The following SLC6A2 variants were observed in gnomAD, a reference collection of about 807,000 sequenced individuals.
SLC6A2 encodes the protein solute carrier family 6 member 2, also known as sodium-dependent noradrenaline transporter.
SLC6A2 carries 26 observed loss-of-function variants against 71.7 expected under a neutral mutation model. That is an observed-to-expected ratio of 0.36 (90% CI 0.27 to 0.50). The LOEUF (loss-of-function observed/expected upper bound fraction) is 0.50. Among genes scored for constraint, SLC6A2 ranks in the 20% least tolerant of loss-of-function variants. SLC6A2 has a pLI of 0.96. For missense variants in SLC6A2, 581 were observed against 803.9 expected (o/e 0.72, Z 3.35); for synonymous variants, 363 against 337.9 (o/e 1.07, Z -0.82).
chr16:55,656,582 T>C lies in SLC6A2; in HGVS notation c.-51-62T>C. The C allele has an allele frequency of 7.3e-7, 1 of 1,375,140 alleles. No homozygotes were observed. Among genetic ancestry groups the C allele is most frequent in the Non-Finnish European group, 1.0e-6 (1 of 974,018 alleles). 85.2% of individuals were successfully genotyped at this position (1,375,140 alleles called of 1,614,324 possible). A position where few individuals can be genotyped will look rare whatever the true frequency, so the allele number is the denominator to read the frequency against. On this transcript the variant is annotated intron_variant, in intron 1 of 14. Transcript: ENST00000568943. The surrounding 1 kb of genome is among the most constrained non-coding windows in gnomAD (Gnocchi z 4.5). ...GTGTCTAAGGCGCTCCCGGGTGGTCTTGGGAGTTGCAAGTAGGGAGGAACG... is the reference window on the plus strand; with the variant it reads ...GTGTCTAAGGCGCTCCCGGGTGGTCCTGGGAGTTGCAAGTAGGGAGGAACG...
chr16:55,661,143 G>A (rs1197620679), intron 2 of SLC6A2, among the ~76,000 whole-genome samples: 3 of 152,234 alleles, frequency 2.0e-5, no homozygotes, highest in Admixed American at 1.3e-4. Context: ...ATCCTGGTCT[G>A]TGCTGATCCC....
In SLC6A2 at chr16:55,697,920, C is replaced by G; in HGVS notation, c.1284C>G (p.Ile428Met). The G allele has an allele frequency of 6.2e-7, 1 of 1,614,106 alleles. No homozygotes were observed. Residue 428 changes from isoleucine (I) to methionine (M), a missense_variant, in exon 10 of 15, where the codon ATC (isoleucine) becomes ATG (methionine). By Grantham distance (10) the Ile-to-Met change is conservative. Coordinates refer to ENST00000568943, the MANE Select transcript of SLC6A2 (RefSeq NM_001172501.3). Reference protein sequence around the residue: ...DSSMGGMEAVITGLADDFQVL... With the variant: ...DSSMGGMEAVMTGLADDFQVL... ...AGATGGGAGGCATGGAGGCTGTCAT[C>G]ACGGGCCTGGCAGATGACTTCCAGG...
intron 4 of SLC6A2, 102 bp from the exon 5 acceptor site, chr16:55,685,041 G>C: frequency 1.7e-6 from 2 of 1,172,198 alleles, no homozygotes; most frequent in South Asian, 2.5e-5. Context: ...GCCAGGTCCT[G>C]TCTCCATCAG....
intron 4 of SLC6A2, among the ~76,000 whole-genome samples, chr16:55,678,542 A>G (rs1567441613): frequency 6.6e-6 from 1 of 152,134 alleles, no homozygotes; most frequent in Non-Finnish European, 1.5e-5. Context: ...TATTCTCCCC[A>G]GGCTCCAGGC....
chr16:55,699,996 A>G, intron 12 of SLC6A2, 143 bp from the exon 13 acceptor site: 1 of 729,600 alleles, frequency 1.4e-6, no homozygotes, highest in Non-Finnish European at 2.4e-6. Flanking sequence ...TCTCTTTTCC[A>G]CTCCTTCCTT....
Position 55,683,190 on chromosome 16 carries a change from A to C in SLC6A2, c.645-1953A>C, listed in dbSNP as rs560496522. Among the ~76,000 whole-genome samples the C allele has an allele frequency of 1.6e-4, 25 of 152,308 alleles. 1 individual carries two copies. The Middle Eastern group carries it at 0.014, about 83-fold the overall frequency. On this transcript the variant is annotated intron_variant, in intron 4 of 14. Coordinates refer to ENST00000568943, the MANE Select transcript of SLC6A2 (RefSeq NM_001172501.3). ...TTTGACCTTTCCTTAGCTCCTAACC[A>C]ACTTTGATTAGATTCTCATTAGCAA...
intron 10 of SLC6A2, 59 bp downstream of exon 10, chr16:55,698,084 G>A: frequency 6.4e-7 from 1 of 1,570,754 alleles, no homozygotes; most frequent in Non-Finnish European, 8.8e-7. Flanking sequence ...TTTCAATAAA[G>A]TCAAACATTC....
In SLC6A2 at chr16:55,671,793, T is replaced by C. The variant is rs183208258; in HGVS notation, c.407-145T>C. 140 of 1,474,294 alleles carry C rather than the reference T, an allele frequency of 9.5e-5. No individual in the cohort carries two copies. The African/African-American group carries it at 1.7e-3, about 18-fold the overall frequency. 91.3% of individuals were successfully genotyped at this position (1,474,294 alleles called of 1,614,324 possible). A position where few individuals can be genotyped will look rare whatever the true frequency, so the allele number is the denominator to read the frequency against. On this transcript the variant is annotated intron_variant, in intron 3 of 14. Transcript: ENST00000568943. ...AATTGTCTTCCATGCGACAGGTCAC[T>C]GGTGCTGAAAAGGTTGGGGACCGCT...
At chr16:55,658,820 T>G (rs1964531110) in intron 2 of SLC6A2, among the ~76,000 whole-genome samples, 1 of 152,116 alleles carries the variant, frequency 6.6e-6, no homozygotes, top group Non-Finnish European at 1.5e-5. Flanking sequence ...GGCCCTGGGA[T>G]GGTCATGGGC....
At position 55,703,939 on chromosome 16, in the gene SLC6A2, A is replaced by G. The variant is rs1966046695; in HGVS notation, c.*1593A>G. ...TGGGTCGGGGTCCTCAGGTCATTCT[A>G]TAGATAAAAGAGGGAAAATCAGGAG... On this transcript the variant is annotated 3_prime_UTR_variant, in exon 15 of 15. Coordinates refer to ENST00000568943, the MANE Select transcript of SLC6A2 (RefSeq NM_001172501.3). The G allele has an allele frequency of 6.0e-6, 2 of 335,660 alleles. No homozygotes were observed. The highest frequency in any genetic ancestry group is 8.5e-6 in the Non-Finnish European group (2 of 236,428). The allele number at this position is 335,660 out of a possible 1,614,324, so 20.8% of individuals were successfully genotyped here.
At chr16:55,699,284 G>A (rs1238411315) in intron 11 of SLC6A2, among the ~76,000 whole-genome samples, 2 of 152,226 alleles carry the variant, frequency 1.3e-5, no homozygotes, top group Non-Finnish European at 2.9e-5. Flanking sequence ...ACTGGCTCTG[G>A]AATTTGGGGC....
chr16:55,700,311 G>A lies in SLC6A2; in HGVS notation c.1758+5G>A. 2 of 1,611,414 alleles carry A rather than the reference G, an allele frequency of 1.2e-6. No individual in the cohort carries two copies. Among genetic ancestry groups the A allele is most frequent in the Non-Finnish European group, 1.7e-6 (2 of 1,177,986 alleles). ...ACGCAGGGCTCTCTTTGGGAGGTGA[G>A]CTCTGGTCCTCCCCAGGGGAACAGG... On this transcript the variant is annotated splice_donor_5th_base_variant and intron_variant, in intron 13 of 14. Coordinates refer to ENST00000568943, the MANE Select transcript of SLC6A2 (RefSeq NM_001172501.3).
At chr16:55,686,042 A>G (rs1418083032) in intron 5 of SLC6A2, among the ~76,000 whole-genome samples, 1 of 152,136 alleles carries the variant, frequency 6.6e-6, no homozygotes, top group African/African-American at 2.4e-5. Flanking sequence ...TGGATGGGAA[A>G]TTTTCTTTCC....
intron 2 of SLC6A2, 122 bp from the exon 3 acceptor site, chr16:55,669,443 G>T: frequency 2.2e-6 from 2 of 920,954 alleles, no homozygotes; most frequent in South Asian, 1.3e-5. Context: ...ATTGCTGCGC[G>T]TCGCCTTTGG....
intron 2 of SLC6A2, among the ~76,000 whole-genome samples, chr16:55,666,092 G>T (rs1250584047): frequency 6.6e-6 from 1 of 152,212 alleles, no homozygotes. Context: ...TCCTCATGAG[G>T]CATGCCCTGC....
chr16:55,659,534 G>A (rs1417884452), intron 2 of SLC6A2, among the ~76,000 whole-genome samples: 1 of 152,058 alleles, frequency 6.6e-6, no homozygotes, highest in East Asian at 1.9e-4. Context: ...GTCTCTTTGT[G>A]GGTCTGTCTC....
At chr16:55,689,234 CCTT>C (rs1965542199) in intron 5 of SLC6A2, among the ~76,000 whole-genome samples, 1 of 152,324 alleles carries the variant, frequency 6.6e-6, no homozygotes, top group South Asian at 2.1e-4. Flanking sequence ...ATCCAGGAAT[CCTT>C]CTTTCAACAC....
At chr16:55,665,637 C>T (rs1285406517) in intron 2 of SLC6A2, among the ~76,000 whole-genome samples, 2 of 152,118 alleles carry the variant, frequency 1.3e-5, no homozygotes, top group Non-Finnish European at 2.9e-5. Flanking sequence ...CCCCGAGATC[C>T]TCAGCAGGTC....
chr16:55,698,173 GGGTTA>G (rs2142619379), intron 10 of SLC6A2, 148 bp downstream of exon 10: 1 of 860,616 alleles, frequency 1.2e-6, no homozygotes, highest in East Asian at 2.4e-5. Flanking sequence ...TGACCCACTA[GGGTTA>G]GGCCCAGTAG....
Sources: gnomAD v4.1 joint callset for allele counts (sites outside exome capture counted in the v4.1 genomes callset) on GRCh38, gnomAD v4.1.1 for gene constraint, Gnocchi (gnomAD v3.1) non-coding constraint, MANE v1.5 for transcripts, NCBI Gene and HGNC (gene_info 2026-07-23, HGNC 2026-07-21) for gene names.